ZC2HC1B: variants seen among roughly 807,000 people sequenced by gnomAD.
The protein encoded by ZC2HC1B is zinc finger C2HC domain-containing protein 1B.
A neutral mutation model predicts 31.0 loss-of-function variants in ZC2HC1B; 36 were observed. The observed-to-expected ratio is 1.16, with a 90% CI of 0.89 to 1.54. ZC2HC1B has a LOEUF of 1.54. Ranked by LOEUF, ZC2HC1B falls within the 40% of genes most tolerant of loss-of-function variation. ZC2HC1B has a pLI of 0.00. For missense variants in ZC2HC1B, 260 were observed against 268.6 expected, an observed-to-expected ratio of 0.97 and a Z score of 0.22; for synonymous variants, 73 against 88.0, an observed-to-expected ratio of 0.83 and a Z score of 0.95.
rs1490299266 is a variant in ZC2HC1B, at chr6:143,872,614, GT to G, written c.28+8050del. Among the ~76,000 whole-genome samples, 1 of 152,158 alleles carries G rather than the reference GT, an allele frequency of 6.6e-6. No homozygotes were observed. The highest frequency in any genetic ancestry group is 1.5e-5 in the Non-Finnish European group (1 of 68,022). On this transcript the variant is annotated intron_variant, in intron 1 of 7. Coordinates refer to ENST00000237275, the MANE Select transcript of ZC2HC1B (RefSeq NM_001013623.3). This position sits in a 1 kb window ranked among gnomAD's most constrained non-coding sequence, Gnocchi z 5.5. ...TACCTGAGACTGGGAAGAAAAAGAG[GT>G]TTAATCAGACTTACAGTTCCACATG...
intron 6 of ZC2HC1B, among the ~76,000 whole-genome samples, chr6:143,932,171 A>G (rs763273406): frequency 2.6e-5 from 4 of 152,150 alleles, no homozygotes; most frequent in Non-Finnish European, 5.9e-5. Flanking sequence ...TACTGCACCT[A>G]GCCTCTTTGA....
At chr6:143,909,213 A>T (rs1022798678) in intron 6 of ZC2HC1B, among the ~76,000 whole-genome samples, 1 of 151,998 alleles carries the variant, frequency 6.6e-6, no homozygotes, top group Non-Finnish European at 1.5e-5. Flanking sequence ...CATCAAGGGT[A>T]TTGGCCTGAA....
At position 143,921,481 on chromosome 6, in the gene ZC2HC1B, G is replaced by A. The variant is rs192316767; in HGVS notation, c.599-16168G>A. Among the ~76,000 whole-genome samples, 31 of 152,302 alleles carry A rather than the reference G, an allele frequency of 2.0e-4. No individual in the cohort carries two copies. Among genetic ancestry groups the A allele is most frequent in the African/African-American group, 7.0e-4 (29 of 41,560 alleles). On this transcript the variant is annotated intron_variant, in intron 6 of 7. Transcript: ENST00000237275. The surrounding 1 kb of genome is among the most constrained non-coding windows in gnomAD (Gnocchi z 6.1). The stretch of plus-strand genomic sequence containing the variant: ...ACTTGTTGAATGAAATGTATGAGGA[G>A]AAGTGGAAATCTTGATTCTATCATT...
chr6:143,894,278 T>C (rs191053519), intron 4 of ZC2HC1B, among the ~76,000 whole-genome samples: 250 of 152,328 alleles, frequency 1.6e-3, no homozygotes, highest in African/African-American at 5.9e-3. Flanking sequence ...GGAAATCTTA[T>C]GAATAGTAAT....
chr6:143,914,132 A>T (rs1280993060), intron 6 of ZC2HC1B, among the ~76,000 whole-genome samples: 1 of 149,974 alleles, frequency 6.7e-6, no homozygotes, highest in Non-Finnish European at 1.5e-5. Context: ...CTAGCTTTTG[A>T]TTTCATTTGT....
intron 6 of ZC2HC1B, among the ~76,000 whole-genome samples, chr6:143,909,854 G>A (rs1336185994): frequency 1.3e-5 from 2 of 151,794 alleles, no homozygotes; most frequent in East Asian, 3.9e-4. Flanking sequence ...TCTTAAAAAA[G>A]CAGTTATTGG....
chr6:143,879,336 G>A (rs1777442635), intron 1 of ZC2HC1B, among the ~76,000 whole-genome samples: 1 of 152,096 alleles, frequency 6.6e-6, no homozygotes, highest in Admixed American at 6.6e-5. Flanking sequence ...ATGTCCCTTT[G>A]TCACTTTACT....
At chr6:143,909,717 CTGA>C (rs951116051) in intron 6 of ZC2HC1B, among the ~76,000 whole-genome samples, 5 of 151,990 alleles carry the variant, frequency 3.3e-5, no homozygotes, top group Non-Finnish European at 5.9e-5. Flanking sequence ...ATAGTATTCT[CTGA>C]TGGTTGTTTG....
At chr6:143,919,790 A>G (rs1777967176) in intron 6 of ZC2HC1B, among the ~76,000 whole-genome samples, 1 of 152,128 alleles carries the variant, frequency 6.6e-6, no homozygotes, top group African/African-American at 2.4e-5. Flanking sequence ...TTACTGTTCA[A>G]GCCTTCCCCT....
intron 1 of ZC2HC1B, 84 bp downstream of exon 1, chr6:143,864,651 A>C: frequency 7.0e-7 from 1 of 1,418,976 alleles, no homozygotes. Flanking sequence ...GCTGGTAGGT[A>C]TTAGCTTGTT....
At chr6:143,877,442 C>G (rs1321447342) in intron 1 of ZC2HC1B, among the ~76,000 whole-genome samples, 4 of 148,932 alleles carry the variant, frequency 2.7e-5, no homozygotes, top group Non-Finnish European at 3.0e-5. Context: ...ACCACCACGC[C>G]TGGCTAATTT....
At chr6:143,916,094 G>T (rs1452139181) in intron 6 of ZC2HC1B, among the ~76,000 whole-genome samples, 1 of 152,150 alleles carries the variant, frequency 6.6e-6, no homozygotes, top group Non-Finnish European at 1.5e-5. Flanking sequence ...GGTTTTGTGG[G>T]CCAAGCCCAG....
At chr6:143,916,745 C>T (rs1777921365) in intron 6 of ZC2HC1B, among the ~76,000 whole-genome samples, 1 of 152,174 alleles carries the variant, frequency 6.6e-6, no homozygotes, top group Admixed American at 6.5e-5. Flanking sequence ...GCCTATAGCC[C>T]CTTTGTTTGG....
At chr6:143,876,246 T>A (rs1777407326) in intron 1 of ZC2HC1B, among the ~76,000 whole-genome samples, 1 of 150,636 alleles carries the variant, frequency 6.6e-6, no homozygotes, top group African/African-American at 2.5e-5. Flanking sequence ...TCATTTTCTT[T>A]CATTACTCTG....
chr6:143,900,597 G>C lies in ZC2HC1B; in HGVS notation c.489+1906G>C, dbSNP rs114212905. ...ACAGGTCCTTGATTAACAGGTCCTT[G>C]AATGAGGGCCTGGAATAGGACGATT... On this transcript the variant is annotated intron_variant, in intron 5 of 7. Transcript: ENST00000237275. Among the ~76,000 whole-genome samples the C allele has an allele frequency of 7.0e-3, 1,069 of 151,988 alleles. 9 individuals are homozygous for C. Among genetic ancestry groups the C allele is most frequent in the African/African-American group, 0.023 (947 of 41,370 alleles).
intron 6 of ZC2HC1B, among the ~76,000 whole-genome samples, 197 bp from the exon 7 acceptor site, chr6:143,937,452 C>G (rs967970095): frequency 4.6e-5 from 7 of 152,038 alleles, no homozygotes; most frequent in Non-Finnish European, 1.0e-4. Context: ...CCTGAGGTAG[C>G]CCCTGTTTTC....
chr6:143,880,095 T>C (rs1451449843), intron 1 of ZC2HC1B, among the ~76,000 whole-genome samples: 1 of 152,120 alleles, frequency 6.6e-6, no homozygotes, highest in Non-Finnish European at 1.5e-5. Context: ...CCAAATATGC[T>C]GGGATTACAG....
chr6:143,921,892 G>A lies in ZC2HC1B; in HGVS notation c.599-15757G>A, dbSNP rs1236994225. ...TTCAAGGCTGCAATGAGCTATGATC[G>A]TGCCACTGCACACCAGTCTGGGTGA... is the stretch of plus-strand genomic sequence containing the variant. On this transcript the variant is annotated intron_variant, in intron 6 of 7. Coordinates refer to ENST00000237275, the MANE Select transcript of ZC2HC1B (RefSeq NM_001013623.3). The surrounding 1 kb of genome is among the most constrained non-coding windows in gnomAD (Gnocchi z 6.1). Among the ~76,000 whole-genome samples, 8 of 152,176 alleles carry A rather than the reference G, an allele frequency of 5.3e-5. No homozygotes were observed. Among genetic ancestry groups the A allele is most frequent in the Non-Finnish European group, 1.2e-4 (8 of 68,042 alleles).
At chr6:143,931,957 C>T (rs529061176) in intron 6 of ZC2HC1B, among the ~76,000 whole-genome samples, 100 of 151,514 alleles carry the variant, frequency 6.6e-4, no homozygotes, top group Non-Finnish European at 8.8e-4. Flanking sequence ...CTCCACCTCC[C>T]AGGTTCAAGC....
Sources: allele counts gnomAD v4.1 joint callset (sites outside exome capture counted in the v4.1 genomes callset), GRCh38; gene constraint gnomAD v4.1.1; non-coding constraint Gnocchi (gnomAD v3.1); transcripts MANE v1.5; gene names NCBI Gene and HGNC (gene_info 2026-07-23, HGNC 2026-07-21).